The following MSRA variants were observed in gnomAD, a reference collection of about 807,000 sequenced individuals.
MSRA encodes methionine sulfoxide reductase A, also known as mitochondrial peptide methionine sulfoxide reductase.
In MSRA, 54 loss-of-function variants were observed where a neutral mutation model predicts 31.3. The ratio of observed to expected loss-of-function variants is 1.73; its 90% confidence interval spans 1.39 to 2.17. The LOEUF (loss-of-function observed/expected upper bound fraction) is 2.17, where lower values mean the gene tolerates loss of function less well. MSRA is among the 30% of genes most tolerant of loss of function. MSRA has a pLI of 0.00. For synonymous variants in MSRA, 169 were observed against 116.5 expected, an observed-to-expected ratio of 1.45 and a Z score of -2.90; for missense variants, 507 against 300.9, an observed-to-expected ratio of 1.69 and a Z score of -5.07.
At chr8:10,131,002 T>A (rs1749511751) in intron 1 of MSRA, among the ~76,000 whole-genome samples, 1 of 152,216 alleles carries the variant, frequency 6.6e-6, no homozygotes, top group South Asian at 2.1e-4. Flanking sequence ...ATGTTAATGG[T>A]CTGTGGAGCA....
chr8:10,170,235 A>G (rs750173376), intron 1 of MSRA, among the ~76,000 whole-genome samples: 9 of 151,828 alleles, frequency 5.9e-5, no homozygotes, highest in Non-Finnish European at 1.3e-4. Context: ...CCAAATTCAT[A>G]TGTAGAAACC....
intron 1 of MSRA, among the ~76,000 whole-genome samples, chr8:10,108,435 G>C (rs997490055): frequency 6.6e-6 from 1 of 152,210 alleles, no homozygotes; most frequent in Admixed American, 6.5e-5. Flanking sequence ...AATGTCACCT[G>C]CCAGTTACAG....
intron 2 of MSRA, among the ~76,000 whole-genome samples, chr8:10,225,049 A>C (rs1284451392): frequency 1.3e-5 from 2 of 152,194 alleles, no homozygotes; most frequent in Non-Finnish European, 2.9e-5. Flanking sequence ...GAGGGAGTAG[A>C]ATCGCTTGAA....
chr8:10,128,499 C>T (rs923538518), intron 1 of MSRA, among the ~76,000 whole-genome samples: 4 of 152,014 alleles, frequency 2.6e-5, no homozygotes, highest in Admixed American at 6.6e-5. Flanking sequence ...CTAGGATATT[C>T]GAAATTCTGT....
chr8:10,349,438 G>A (rs1322009474), intron 5 of MSRA, among the ~76,000 whole-genome samples: 2 of 152,148 alleles, frequency 1.3e-5, no homozygotes, highest in South Asian at 2.1e-4. Flanking sequence ...ATTCTTCAGG[G>A]TTTAATGAAA....
At chr8:10,384,450 C>T (rs1201282284) in intron 5 of MSRA, among the ~76,000 whole-genome samples, 2 of 152,228 alleles carry the variant, frequency 1.3e-5, no homozygotes, top group South Asian at 2.1e-4. Flanking sequence ...CGCAGGATGG[C>T]AGGATGTCTT....
intron 1 of MSRA, among the ~76,000 whole-genome samples, chr8:10,154,666 C>T (rs10100739): frequency 0.017 from 2,561 of 152,152 alleles, 49 homozygotes; most frequent in African/African-American, 0.044. Flanking sequence ...CATGAGCCAC[C>T]GCGTCCAGCC....
intron 1 of MSRA, among the ~76,000 whole-genome samples, chr8:10,172,144 C>G (rs1046689054): frequency 7.9e-5 from 12 of 152,186 alleles, no homozygotes; most frequent in Non-Finnish European, 1.5e-5. Context: ...TGCATGCTCC[C>G]TCCATGCCAA....
intron 1 of MSRA, among the ~76,000 whole-genome samples, chr8:10,101,580 T>A (rs939222599): frequency 4.6e-5 from 7 of 152,188 alleles, no homozygotes; most frequent in Admixed American, 4.6e-4. Flanking sequence ...TTGATTCTGT[T>A]TTCTGTCTCT....
chr8:10,182,284 G>A (rs1806614074), intron 1 of MSRA, among the ~76,000 whole-genome samples: 1 of 152,182 alleles, frequency 6.6e-6, no homozygotes, highest in African/African-American at 2.4e-5. Context: ...GGCTGTTAAG[G>A]CCAAGAGTAT....
At position 10,365,142 on chromosome 8, in the gene MSRA, CAAAAAAAAA is replaced by C. The variant is rs1171189760; in HGVS notation, c.543+45167_543+45175del. 6.5e-5 allele frequency among the ~76,000 whole-genome samples: 4 copies of C among 61,294 alleles called. No homozygotes were observed. In the South Asian group the frequency reaches 2.1e-3, roughly 33 times the overall value. 40.2% of individuals were successfully genotyped at this position (61,294 alleles called of 152,430 possible). A position where few individuals can be genotyped will look rare whatever the true frequency, so the allele number is the denominator to read the frequency against. ...CCTTCCTGGTTTTCTGTGAAGCAAC[CAAAAAAAAA>C]AAAAAAAAAAAAAGTCGAGACTGGA... is the stretch of plus-strand genomic sequence containing the variant. On this transcript the variant is annotated intron_variant, in intron 5 of 5. Transcript: ENST00000317173.
At chr8:10,274,811 C>T (rs1041179587) in intron 3 of MSRA, among the ~76,000 whole-genome samples, 2 of 150,990 alleles carry the variant, frequency 1.3e-5, no homozygotes, top group Admixed American at 6.6e-5. Context: ...ATTCATCCAT[C>T]CATCTACCCA....
intron 5 of MSRA, among the ~76,000 whole-genome samples, chr8:10,411,844 C>G (rs1452192634): frequency 1.3e-4 from 20 of 152,234 alleles, no homozygotes; most frequent in Admixed American, 1.3e-3. Flanking sequence ...CTGCCAGCAG[C>G]TCCTAGCTAG....
At chr8:10,242,187 C>T (rs146300048) in intron 2 of MSRA, among the ~76,000 whole-genome samples, 1 of 151,906 alleles carries the variant, frequency 6.6e-6, no homozygotes, top group African/African-American at 2.4e-5. Flanking sequence ...AGAAGAATTG[C>T]TTGAACCCGG....
chr8:10,082,867 A>G (rs972054200), intron 1 of MSRA, among the ~76,000 whole-genome samples: 2 of 152,256 alleles, frequency 1.3e-5, no homozygotes, highest in Non-Finnish European at 2.9e-5. Flanking sequence ...TGAACAGAGT[A>G]GGAATTCAAT....
intron 1 of MSRA, among the ~76,000 whole-genome samples, chr8:10,061,250 C>T (rs1003073067): frequency 1.4e-4 from 22 of 152,272 alleles, no homozygotes; most frequent in African/African-American, 2.2e-4. Context: ...ATACCCATAG[C>T]GTGGATTGCA....
rs185015755 is a variant in MSRA, at chr8:10,152,648, C to T, written c.143-55185C>T. On this transcript the variant is annotated intron_variant, in intron 1 of 5. Transcript: ENST00000317173. ...CAGTACAGAAGTACTTTTTTTCCCC[C>T]AAAAAATCATATGAAGAAAGAGGAA... Among the ~76,000 whole-genome samples, 586 of 151,862 alleles carry T rather than the reference C, an allele frequency of 3.9e-3. 4 individuals carry two copies. The highest frequency in any genetic ancestry group is 0.013 in the African/African-American group (538 of 41,402).
chr8:10,123,040 A>G (rs111777715), intron 1 of MSRA, among the ~76,000 whole-genome samples: 41 of 152,366 alleles, frequency 2.7e-4, no homozygotes, highest in Admixed American at 9.8e-4. Flanking sequence ...TCCTTGGAGT[A>G]TATACCCAAT....
At chr8:10,419,287 T>C (rs1186698691) in intron 5 of MSRA, among the ~76,000 whole-genome samples, 1 of 152,192 alleles carries the variant, frequency 6.6e-6, no homozygotes, top group Non-Finnish European at 1.5e-5. Context: ...AGCATGGATG[T>C]GGGAGGGGGC....
Sources: gnomAD v4.1 joint callset for allele counts (sites outside exome capture counted in the v4.1 genomes callset) on GRCh38, gnomAD v4.1.1 for gene constraint, MANE v1.5 for transcripts, NCBI Gene and HGNC (gene_info 2026-07-23, HGNC 2026-07-21) for gene names.